The following SMAD6 variants were observed in gnomAD, a reference collection of about 807,000 sequenced individuals.
SMAD6 encodes the protein MAD homolog 6.
In SMAD6, 103 loss-of-function variants were observed where a neutral mutation model predicts 39.4. That is an observed-to-expected ratio of 2.62 (90% CI 2.23 to 3.08). The LOEUF (loss-of-function observed/expected upper bound fraction) is 3.08. SMAD6 is among the 30% of genes most tolerant of loss of function. The pLI, the probability that SMAD6 is intolerant of heterozygous loss-of-function variation, is 0.00. For synonymous variants in SMAD6, 445 were observed against 353.3 expected, an observed-to-expected ratio of 1.26 and a Z score of -2.91; for missense variants, 1,104 against 742.9, an observed-to-expected ratio of 1.49 and a Z score of -5.65.
chr15:66,712,637 G>T (rs959412016), intron 2 of SMAD6, among the ~76,000 whole-genome samples: 4 of 148,656 alleles, frequency 2.7e-5, no homozygotes, highest in African/African-American at 1.0e-4. Flanking sequence ...GTGAGCTGAG[G>T]TCACGCCACT....
chr15:66,774,833 A>ATTTATTTTAT (rs61441715), intron 3 of SMAD6, among the ~76,000 whole-genome samples: 4,366 of 146,156 alleles, frequency 0.03, 91 homozygotes, highest in Middle Eastern at 0.052. Context: ...CACTATTCTG[A>ATTTATTTTAT]TTTATTTTAT....
chr15:66,723,786 G>C (rs1362810070), intron 3 of SMAD6, among the ~76,000 whole-genome samples: 3 of 152,212 alleles, frequency 2.0e-5, no homozygotes, highest in Non-Finnish European at 4.4e-5. Context: ...GAGAAAGACT[G>C]GACCTTCCCC....
Position 66,778,451 on chromosome 15 carries a change from G to T in SMAD6, c.953-2546G>T, listed in dbSNP as rs566140053. Among the ~76,000 whole-genome samples the T allele has an allele frequency of 2.6e-5, 4 of 152,230 alleles. No individual in the cohort carries two copies. The South Asian group carries it at 8.3e-4, about 32-fold the overall frequency. On this transcript the variant is annotated intron_variant, in intron 3 of 3. Coordinates refer to ENST00000288840, the MANE Select transcript of SMAD6 (RefSeq NM_005585.5). The stretch of plus-strand genomic sequence containing the variant: ...AGACTCTCCCTTTTTCCATGGGTGG[G>T]GCAGAGCTGTCACTCTGTGGCTGGG...
At chr15:66,720,317 A>G (rs1308997463) in intron 3 of SMAD6, among the ~76,000 whole-genome samples, 1 of 152,132 alleles carries the variant, frequency 6.6e-6, no homozygotes, top group Non-Finnish European at 1.5e-5. Context: ...GTTCCGAGAA[A>G]GGCTGGTGGC....
intron 3 of SMAD6, among the ~76,000 whole-genome samples, chr15:66,780,509 A>G (rs774518036): frequency 6.6e-6 from 1 of 152,198 alleles, no homozygotes; most frequent in East Asian, 1.9e-4. Context: ...CCTCCTCTGT[A>G]GAACGAGGAG....
rs1446731687 is a variant in SMAD6 at position 66,702,265 on chromosome 15, G to A, written c.-994G>A. On this transcript the variant is annotated 5_prime_UTR_variant, in exon 1 of 4. Coordinates refer to ENST00000288840, the MANE Select transcript of SMAD6 (RefSeq NM_005585.5). Reference sequence around the variant, plus strand: ...GATGGGAGGCAGCCAATGACTCCGCGGCGCTCCTCCGGGGGCCCTCAGTGT... The same window carrying A: ...GATGGGAGGCAGCCAATGACTCCGCAGCGCTCCTCCGGGGGCCCTCAGTGT... 1 of 152,244 alleles carries A rather than the reference G, an allele frequency of 6.6e-6. No homozygotes were observed. Among genetic ancestry groups the A allele is most frequent in the Non-Finnish European group, 1.5e-5 (1 of 68,076 alleles). 9.4% of individuals were successfully genotyped at this position (152,244 alleles called of 1,614,324 possible).
chr15:66,775,005 G>T (rs1449076174), intron 3 of SMAD6, among the ~76,000 whole-genome samples: 2 of 151,904 alleles, frequency 1.3e-5, no homozygotes, highest in Non-Finnish European at 1.5e-5. Context: ...GGATTAAGGC[G>T]CCCGCCACCA....
chr15:66,766,434 G>T (rs1595796351), intron 3 of SMAD6, among the ~76,000 whole-genome samples: 1 of 152,188 alleles, frequency 6.6e-6, no homozygotes, highest in Non-Finnish European at 1.5e-5. Flanking sequence ...TAGGCTGGGG[G>T]TTTAACCTCC....
At chr15:66,724,940 A>G (rs967537994) in intron 3 of SMAD6, among the ~76,000 whole-genome samples, 1 of 152,116 alleles carries the variant, frequency 6.6e-6, no homozygotes, top group South Asian at 2.1e-4. Context: ...TTGTCTGAGG[A>G]GACCTTAAAT....
At position 66,723,514 on chromosome 15, in the gene SMAD6, T is replaced by TAA. The variant is rs1337062848; in HGVS notation, c.952+7022_952+7023dup. 2.0e-5 allele frequency among the ~76,000 whole-genome samples: 3 copies of TAA among 152,000 alleles called. No individual in the cohort carries two copies. The East Asian group carries it at 5.8e-4, about 29-fold the overall frequency. ...GCAACATAGCAAGACCCCTACCTCT[T>TAA]AAAAAAATTTAAAAATTGGCTGGCC... On this transcript the variant is annotated intron_variant, in intron 3 of 3. Coordinates refer to ENST00000288840, the MANE Select transcript of SMAD6 (RefSeq NM_005585.5).
chr15:66,730,588 G>C (rs148221177), intron 3 of SMAD6, among the ~76,000 whole-genome samples: 17 of 148,426 alleles, frequency 1.1e-4, no homozygotes, highest in African/African-American at 4.2e-4. Flanking sequence ...CATGCAGGAG[G>C]ACATGGTGTG....
At chr15:66,717,176 C>T (rs1210109264) in intron 3 of SMAD6, 1 of 1,280,432 alleles carries the variant, frequency 7.8e-7, no homozygotes, top group Admixed American at 2.3e-5. Context: ...GGGCCAGGAC[C>T]AAGGTCTGTG....
At chr15:66,748,351 C>T (rs538322165) in intron 3 of SMAD6, among the ~76,000 whole-genome samples, 25 of 152,124 alleles carry the variant, frequency 1.6e-4, no homozygotes, top group Middle Eastern at 3.4e-3. Flanking sequence ...GAAAGTAAGC[C>T]GTGCCTGTAT....
chr15:66,707,624 C>G (rs985953374), intron 1 of SMAD6: 1 of 152,280 alleles, frequency 6.6e-6, no homozygotes, highest in Non-Finnish European at 1.5e-5. Context: ...TGGCGCCAGC[C>G]GGCCGCGCTG....
intron 1 of SMAD6, among the ~76,000 whole-genome samples, chr15:66,709,231 T>C (rs988079366): frequency 6.6e-6 from 1 of 152,246 alleles, no homozygotes; most frequent in South Asian, 2.1e-4. Context: ...GTTGTGTGCA[T>C]ACTATTTTGC....
intron 3 of SMAD6, among the ~76,000 whole-genome samples, chr15:66,755,769 G>C (rs1482078135): frequency 6.6e-6 from 1 of 152,172 alleles, no homozygotes; most frequent in African/African-American, 2.4e-5. Flanking sequence ...GGTACTCCAG[G>C]GTCTGGGCAG....
chr15:66,740,315 C>G lies in SMAD6; in HGVS notation c.952+23817C>G, dbSNP rs559702675. The G allele has an allele frequency of 2.6e-5, 4 of 152,410 alleles. No individual in the cohort carries two copies. The East Asian group carries it at 5.8e-4, about 22-fold the overall frequency. 9.4% of individuals were successfully genotyped at this position (152,410 alleles called of 1,614,324 possible). A position where few individuals can be genotyped will look rare whatever the true frequency, so the allele number is the denominator to read the frequency against. On this transcript the variant is annotated intron_variant, in intron 3 of 3. Coordinates refer to ENST00000288840, the MANE Select transcript of SMAD6 (RefSeq NM_005585.5). ...TGAAGGCTCTTTCAGGAAGCCTTCT[C>G]TAGTCACCCAGCTTGGTGTGGCCAG...
chr15:66,710,037 G>T (rs1242966486), intron 1 of SMAD6, among the ~76,000 whole-genome samples: 1 of 152,234 alleles, frequency 6.6e-6, no homozygotes, highest in Non-Finnish European at 1.5e-5. Flanking sequence ...GGATGAAGGG[G>T]TGTAAGACAG....
At chr15:66,776,036 T>C (rs1214060769) in intron 3 of SMAD6, among the ~76,000 whole-genome samples, 2 of 152,242 alleles carry the variant, frequency 1.3e-5, no homozygotes, top group Non-Finnish European at 2.9e-5. Context: ...GAAATCTGAA[T>C]GCACGTATGT....
Sources: gnomAD v4.1 joint callset for allele counts (sites outside exome capture counted in the v4.1 genomes callset) on GRCh38, gnomAD v4.1.1 for gene constraint, MANE v1.5 for transcripts, NCBI Gene and HGNC (gene_info 2026-07-23, HGNC 2026-07-21) for gene names.